Variants in DENND2A observed in about 807,000 individuals in gnomAD.
DENND2A encodes the protein DENN domain containing 2A.
A neutral mutation model predicts 105.3 loss-of-function variants in DENND2A; 53 were observed. The ratio of observed to expected loss-of-function variants is 0.50; its 90% confidence interval spans 0.40 to 0.63. The LOEUF is 0.63. Among genes scored for constraint, DENND2A ranks in the 30% least tolerant of loss-of-function variants. The pLI, the probability that DENND2A is intolerant of heterozygous loss-of-function variation, is 0.00. For missense variants in DENND2A, 1,138 were observed against 1,279.6 expected (o/e 0.89, Z 1.69); for synonymous variants, 522 against 508.4 (o/e 1.03, Z -0.36).
At chr7:140,520,386 T>C (rs1795813707) in intron 18 of DENND2A, among the ~76,000 whole-genome samples, 2 of 151,754 alleles carry the variant, frequency 1.3e-5, no homozygotes, top group Admixed American at 1.3e-4. Flanking sequence ...TGCATTCTCC[T>C]GTACGAGGGC....
intron 14 of DENND2A, among the ~76,000 whole-genome samples, chr7:140,530,737 C>T (rs951743946): frequency 1.4e-4 from 21 of 146,270 alleles, no homozygotes; most frequent in Admixed American, 1.3e-3. Flanking sequence ...CTGTGTCTTT[C>T]TTTTTTTTTT....
In DENND2A at chr7:140,602,434, G is replaced by T; in HGVS notation, c.-37C>A. 1 of 1,513,326 alleles carries T rather than the reference G, an allele frequency of 6.6e-7. No individual in the cohort carries two copies. Among genetic ancestry groups the T allele is most frequent in the South Asian group, 1.3e-5 (1 of 76,812 alleles). The allele number at this position is 1,513,326 out of a possible 1,614,324, so 93.7% of individuals were successfully genotyped here. On this transcript the variant is annotated 5_prime_UTR_variant, in exon 3 of 20. Transcript: ENST00000496613. ...GCGTGAGGTTGTGGAGGCCTTCCAG[G>T]GGACTCCTTCTGAAGCCTGACTCCT...
chr7:140,525,388 C>T (rs1796021950), intron 16 of DENND2A, among the ~76,000 whole-genome samples: 1 of 152,094 alleles, frequency 6.6e-6, no homozygotes, highest in Non-Finnish European at 1.5e-5. Context: ...CTCCTGACCT[C>T]AGGTGATCCA....
rs560085184 is a variant in DENND2A at position 140,581,132 on chromosome 7, G to T, written c.1245+4457C>A. On this transcript the variant is annotated intron_variant, in intron 5 of 19. Transcript: ENST00000496613. ...ACCCAAAAAATTAGCCGGCACAGTG[G>T]CCTGTGCCTGTAATCTCAGCTAGTC... 1.3e-4 allele frequency among the ~76,000 whole-genome samples: 20 copies of T among 152,122 alleles called. No homozygotes were observed. The South Asian group carries it at 4.0e-3, about 30-fold the overall frequency.
chr7:140,525,769 G>A lies in DENND2A; in HGVS notation c.2529C>T (p.Asn843=). 1 of 1,606,364 alleles carries A rather than the reference G, an allele frequency of 6.2e-7. No individual in the cohort carries two copies. Among genetic ancestry groups the A allele is most frequent in the Admixed American group, 1.7e-5 (1 of 59,126 alleles). Residue 843 remains asparagine (N), a synonymous_variant, in exon 16 of 20, where the codon AAC becomes AAT. Coordinates refer to ENST00000496613, the MANE Select transcript of DENND2A (RefSeq NM_015689.5). ...CACTCACCTGTCTGAGGAACCGGCT[G>A]TTGACGAGGTCAACCACAAGGACCT... ...LEEVLVVDLV[N]SRFLRQMDDE...
chr7:140,558,667 G>C (rs965851216), intron 10 of DENND2A, among the ~76,000 whole-genome samples: 4 of 143,086 alleles, frequency 2.8e-5, no homozygotes, highest in African/African-American at 1.1e-4. Context: ...TTACACTCCA[G>C]CCTGGGGGAA....
chr7:140,527,626 A>G lies in DENND2A; in HGVS notation c.2328-131T>C, dbSNP rs1016900295. On this transcript the variant is annotated intron_variant, in intron 14 of 19. Transcript: ENST00000496613. This position sits in a 1 kb window ranked among gnomAD's most constrained non-coding sequence, Gnocchi z 4.9. ...CACGTGGATGTGGATCCGGTGGAGC[A>G]CATGATGGTCTCAGCACAGGCCACA... 1.0e-6 allele frequency: 1 copy of G among 990,752 alleles called. No homozygotes were observed. The highest frequency in any genetic ancestry group is 1.4e-6 in the Non-Finnish European group (1 of 690,750). The allele number at this position is 990,752 out of a possible 1,614,324, so 61.4% of individuals were successfully genotyped here.
At chr7:140,614,333 G>A (rs1800009020) in intron 1 of DENND2A, among the ~76,000 whole-genome samples, 1 of 152,090 alleles carries the variant, frequency 6.6e-6, no homozygotes. Flanking sequence ...TCGAACTCCT[G>A]GCCTCAAGTG....
chr7:140,558,100 A>T, intron 11 of DENND2A, 43 bp downstream of exon 11: 1 of 1,555,856 alleles, frequency 6.4e-7, no homozygotes, highest in Non-Finnish European at 8.9e-7. Flanking sequence ...CAGGACTAGG[A>T]AGTCCACGAG....
At chr7:140,622,670 C>T (rs1328066383) in intron 1 of DENND2A, among the ~76,000 whole-genome samples, 1 of 152,120 alleles carries the variant, frequency 6.6e-6, no homozygotes, top group African/African-American at 2.4e-5. Flanking sequence ...ATTCAACCCC[C>T]GTCCCAGCCC....
intron 3 of DENND2A, among the ~76,000 whole-genome samples, chr7:140,590,453 G>T (rs1798970114): frequency 2.0e-5 from 3 of 152,274 alleles, no homozygotes; most frequent in South Asian, 4.1e-4. Context: ...TATGTGTTGG[G>T]GTTTGTTGGG....
chr7:140,594,354 G>A (rs1460295281), intron 3 of DENND2A, among the ~76,000 whole-genome samples: 1 of 152,106 alleles, frequency 6.6e-6, no homozygotes, highest in African/African-American at 2.4e-5. Flanking sequence ...TGGCCCTCAG[G>A]CCACACTCCT....
chr7:140,622,736 C>A (rs1262887715), intron 1 of DENND2A, among the ~76,000 whole-genome samples: 4 of 152,062 alleles, frequency 2.6e-5, no homozygotes, highest in African/African-American at 7.2e-5. Flanking sequence ...TCTTCTTCTT[C>A]TTCTTCTTAT....
intron 5 of DENND2A, 43 bp from the exon 6 acceptor site, chr7:140,574,051 G>C: frequency 6.2e-7 from 1 of 1,607,670 alleles, no homozygotes; most frequent in Non-Finnish European, 8.5e-7. Context: ...GAATTCAAAG[G>C]AGACTGACCG....
intron 1 of DENND2A, among the ~76,000 whole-genome samples, chr7:140,639,481 C>T (rs1156761868): frequency 6.6e-6 from 1 of 152,172 alleles, no homozygotes; most frequent in Non-Finnish European, 1.5e-5. Context: ...CACATACTTC[C>T]TCTCGGAGTT....
At chr7:140,558,118 C>G (rs747766287) in intron 11 of DENND2A, 25 bp downstream of exon 11, 1 of 1,606,706 alleles carries the variant, frequency 6.2e-7, no homozygotes, top group East Asian at 2.2e-5. Context: ...GAGGCTCTTG[C>G]AGGCTGAAAG....
chr7:140,630,257 T>C (rs1402721341), intron 1 of DENND2A, among the ~76,000 whole-genome samples: 1 of 151,984 alleles, frequency 6.6e-6, no homozygotes, highest in Non-Finnish European at 1.5e-5. Flanking sequence ...ACCACAGGCA[T>C]GTACCACCAT....
intron 12 of DENND2A, among the ~76,000 whole-genome samples, chr7:140,548,296 T>TAAAAAAAA (rs34963245): frequency 7.3e-6 from 1 of 136,794 alleles, no homozygotes; most frequent in Non-Finnish European, 1.6e-5. Context: ...ACTAAAAAAC[T>TAAAAAAAA]AAAAAAAAAA....
At chr7:140,545,405 C>T (rs1056735464) in intron 13 of DENND2A, among the ~76,000 whole-genome samples, 3 of 152,128 alleles carry the variant, frequency 2.0e-5, no homozygotes, top group Admixed American at 2.0e-4. Flanking sequence ...GGCTGGAGTG[C>T]AGTGGTGCAG....
Sources: gnomAD v4.1 joint callset for allele counts (sites outside exome capture counted in the v4.1 genomes callset) on GRCh38, gnomAD v4.1.1 for gene constraint, Gnocchi (gnomAD v3.1) non-coding constraint, MANE v1.5 for transcripts, NCBI Gene and HGNC (gene_info 2026-07-23, HGNC 2026-07-21) for gene names.